STX8: variants seen among roughly 807,000 people sequenced by gnomAD.
STX8 encodes syntaxin 8.
A neutral mutation model predicts 37.5 loss-of-function variants in STX8; 23 were observed. That is an observed-to-expected ratio of 0.61 (90% CI 0.44 to 0.87). The LOEUF (loss-of-function observed/expected upper bound fraction) is 0.87. Ranked by LOEUF, STX8 falls within the 40% of genes least tolerant of loss-of-function variation. STX8 has a pLI of 0.00. For missense variants in STX8, 313 were observed against 284.7 expected (o/e 1.10, Z -0.71); for synonymous variants, 115 against 99.1 (o/e 1.16, Z -0.95).
chr17:9,392,400 G>A (rs1443365850), intron 6 of STX8, among the ~76,000 whole-genome samples: 3 of 152,198 alleles, frequency 2.0e-5, no homozygotes, highest in Non-Finnish European at 2.9e-5. Flanking sequence ...TTGAGCCCAG[G>A]AGTTCAAGAT....
chr17:9,256,664 C>T (rs1486501177), intron 7 of STX8, among the ~76,000 whole-genome samples: 1 of 152,226 alleles, frequency 6.6e-6, no homozygotes, highest in Non-Finnish European at 1.5e-5. Flanking sequence ...TCCCCCACTA[C>T]CCACATAACC....
chr17:9,279,684 T>A (rs1597580715), intron 7 of STX8, among the ~76,000 whole-genome samples: 1 of 151,846 alleles, frequency 6.6e-6, no homozygotes, highest in South Asian at 2.1e-4. Flanking sequence ...CTACAGAACA[T>A]CCCCAGAAGC....
intron 7 of STX8, among the ~76,000 whole-genome samples, chr17:9,360,173 T>C (rs1911014509): frequency 6.6e-6 from 1 of 151,922 alleles, no homozygotes; most frequent in African/African-American, 2.4e-5. Flanking sequence ...CTTCATTTTT[T>C]AAATTAAAAA....
In STX8 at chr17:9,456,768, T is replaced by C. The variant is rs149342725; in HGVS notation, c.541+35061A>G. ...AGGCCATCTCAGCATTCAAATAATT[T>C]ATCCATCTTTCCAAACATCTTTTGT... is the stretch of plus-strand genomic sequence containing the variant. On this transcript the variant is annotated intron_variant, in intron 6 of 7. Transcript: ENST00000306357. Among the ~76,000 whole-genome samples the C allele has an allele frequency of 8.6e-3, 1,311 of 152,276 alleles. 27 individuals are homozygous for C. Among genetic ancestry groups the C allele is most frequent in the Admixed American group, 0.027 (407 of 15,304 alleles).
In STX8 at chr17:9,333,439, G is replaced by A. The variant is rs538679221; in HGVS notation, c.643+45113C>T. 8.5e-5 allele frequency among the ~76,000 whole-genome samples: 13 copies of A among 152,306 alleles called. No homozygotes were observed. In the East Asian group the frequency reaches 2.1e-3, roughly 25 times the overall value. ...GTCTTGCTCTGTCACCCAGGCTGGA[G>A]TGCAGTGGCATGATCTCGGCTCACT... is the stretch of plus-strand genomic sequence containing the variant. On this transcript the variant is annotated intron_variant, in intron 7 of 7. Coordinates refer to ENST00000306357, the MANE Select transcript of STX8 (RefSeq NM_004853.3).
chr17:9,300,724 T>C (rs1318423140), intron 7 of STX8, among the ~76,000 whole-genome samples: 1 of 152,176 alleles, frequency 6.6e-6, no homozygotes, highest in Non-Finnish European at 1.5e-5. Context: ...GCAAGTAAGA[T>C]GTTAATTTTG....
At chr17:9,282,318 G>C (rs1172576255) in intron 7 of STX8, among the ~76,000 whole-genome samples, 1 of 152,122 alleles carries the variant, frequency 6.6e-6, no homozygotes, top group Non-Finnish European at 1.5e-5. Flanking sequence ...ATTTTTAGTA[G>C]AGACAGGGTT....
intron 7 of STX8, among the ~76,000 whole-genome samples, chr17:9,288,315 T>A (rs1908166947): frequency 6.6e-6 from 1 of 151,536 alleles, no homozygotes; most frequent in Non-Finnish European, 1.5e-5. Context: ...TAGAACAGAA[T>A]AAATTAAAAA....
At chr17:9,305,646 G>T (rs548771335) in intron 7 of STX8, 9 of 151,458 alleles carry the variant, frequency 5.9e-5, no homozygotes, top group Non-Finnish European at 1.0e-4. Flanking sequence ...TGATGTATGC[G>T]TAGTGATGCT....
At chr17:9,345,321 TGTATTTTTATTAG>T (rs1314907588) in intron 7 of STX8, among the ~76,000 whole-genome samples, 2 of 152,130 alleles carry the variant, frequency 1.3e-5, no homozygotes, top group Non-Finnish European at 2.9e-5. Flanking sequence ...GGCTAATTTT[TGTATTTTTATTAG>T]AGACAGGGTT....
intron 7 of STX8, among the ~76,000 whole-genome samples, chr17:9,316,394 A>T (rs763365109): frequency 6.6e-6 from 1 of 152,098 alleles, no homozygotes; most frequent in Admixed American, 6.6e-5. Flanking sequence ...TTGAACTTTC[A>T]GCCCCATCCC....
chr17:9,536,463 T>TA (rs1344744550), intron 4 of STX8, among the ~76,000 whole-genome samples: 1 of 152,162 alleles, frequency 6.6e-6, no homozygotes, highest in African/African-American at 2.4e-5. Context: ...GGTAATCTGT[T>TA]ATATGTGGTT....
intron 6 of STX8, among the ~76,000 whole-genome samples, chr17:9,419,352 G>A (rs1481384772): frequency 6.6e-6 from 1 of 152,186 alleles, no homozygotes; most frequent in African/African-American, 2.4e-5. Flanking sequence ...AGCTGGGACT[G>A]TATAGGCATA....
intron 4 of STX8, among the ~76,000 whole-genome samples, chr17:9,516,441 T>C (rs1905164336): frequency 2.7e-5 from 4 of 150,472 alleles, no homozygotes; most frequent in South Asian, 2.1e-4. Flanking sequence ...CAGACATATA[T>C]AGAAAGGATT....
rs546756533 is a variant in STX8, at chr17:9,440,525, A to ATTT, written c.541+51301_541+51303dup. 3.4e-4 allele frequency among the ~76,000 whole-genome samples: 34 copies of ATTT among 99,770 alleles called. 1 individual carries two copies. Among genetic ancestry groups the ATTT allele is most frequent in the African/African-American group, 4.9e-4 (10 of 20,304 alleles). The allele number at this position is 99,770 out of a possible 152,430, so 65.5% of individuals were successfully genotyped here. ...CCAATACAATCATAGTGAATCAATG[A>ATTT]TTTTTTTTTTTTTTTTTGAGACGGA... is the stretch of plus-strand genomic sequence containing the variant. On this transcript the variant is annotated intron_variant, in intron 6 of 7. Coordinates refer to ENST00000306357, the MANE Select transcript of STX8 (RefSeq NM_004853.3).
intron 4 of STX8, among the ~76,000 whole-genome samples, chr17:9,513,135 AT>A (rs763215548): frequency 1.6e-4 from 24 of 152,244 alleles, no homozygotes; most frequent in Non-Finnish European, 2.1e-4. Context: ...CCAACAGAGG[AT>A]TAATATGCAA....
chr17:9,355,066 C>T (rs1392417239), intron 7 of STX8, among the ~76,000 whole-genome samples: 1 of 152,166 alleles, frequency 6.6e-6, no homozygotes, highest in Non-Finnish European at 1.5e-5. Flanking sequence ...AGAAACTTCT[C>T]TTTAACTGGG....
At chr17:9,528,062 A>C (rs1905650838) in intron 4 of STX8, among the ~76,000 whole-genome samples, 1 of 152,262 alleles carries the variant, frequency 6.6e-6, no homozygotes, top group South Asian at 2.1e-4. Flanking sequence ...AGGAATGTCC[A>C]AATTTAAGTG....
chr17:9,410,011 G>T (rs1261037366), intron 6 of STX8, among the ~76,000 whole-genome samples: 1 of 152,170 alleles, frequency 6.6e-6, no homozygotes, highest in Non-Finnish European at 1.5e-5. Flanking sequence ...AAAGGATTGG[G>T]GGTGGGGGAG....
Sources: gnomAD v4.1 joint callset for allele counts (sites outside exome capture counted in the v4.1 genomes callset) on GRCh38, gnomAD v4.1.1 for gene constraint, MANE v1.5 for transcripts, NCBI Gene and HGNC (gene_info 2026-07-23, HGNC 2026-07-21) for gene names.